Variants in CALU observed in about 807,000 individuals in gnomAD.
CALU encodes the protein calumenin, also known as IEF SSP 9302.
A neutral mutation model predicts 37.5 loss-of-function variants in CALU; 13 were observed. The ratio of observed to expected loss-of-function variants is 0.35; its 90% CI spans 0.23 to 0.55. CALU has a LOEUF of 0.55. Ranked by LOEUF, CALU falls within the 20% of genes least tolerant of loss-of-function variation. The pLI is 0.89. For missense variants in CALU, 282 were observed against 391.7 expected, an observed-to-expected ratio of 0.72 and a Z score of 2.36; for synonymous variants, 114 against 133.8, an observed-to-expected ratio of 0.85 and a Z score of 1.02.
intron 2 of CALU, among the ~76,000 whole-genome samples, chr7:128,751,442 T>C (rs1476139375): frequency 6.6e-6 from 1 of 152,038 alleles, no homozygotes; most frequent in Non-Finnish European, 1.5e-5. Context: ...ATATACAATT[T>C]TGGGCTAGGC....
intron 2 of CALU, among the ~76,000 whole-genome samples, chr7:128,752,137 G>GT (rs926015679): frequency 6.6e-6 from 1 of 151,486 alleles, no homozygotes; most frequent in Non-Finnish European, 1.5e-5. Context: ...TCAGAGGCTT[G>GT]TTAAAAAAAA....
intron 2 of CALU, among the ~76,000 whole-genome samples, chr7:128,752,162 C>T (rs1201420033): frequency 6.6e-6 from 1 of 152,110 alleles, no homozygotes; most frequent in African/African-American, 2.4e-5. Flanking sequence ...CACACACACA[C>T]ACACCATACC....
Position 128,772,803 on chromosome 7 carries a change from C to G in CALU, c.*3636C>G, listed in dbSNP as rs1337946540. 1.9e-5 allele frequency: 21 copies of G among 1,090,544 alleles called. 1 individual carries two copies. In the Admixed American group the frequency reaches 4.1e-4, roughly 21 times the overall value. The allele number at this position is 1,090,544 out of a possible 1,614,324, so 67.6% of individuals were successfully genotyped here. ...GTGGTTTTGAATCTATCTTCCCCAT[C>G]CTGAAAACTATCTAGATTCCAGTCT... On this transcript the variant is annotated 3_prime_UTR_variant, in exon 7 of 7. Transcript: ENST00000249364.
At chr7:128,765,609 T>G (rs922315277) in intron 5 of CALU, among the ~76,000 whole-genome samples, 1 of 152,266 alleles carries the variant, frequency 6.6e-6, no homozygotes, top group Non-Finnish European at 1.5e-5. Context: ...ATATGGCTCT[T>G]AAGTGTTTTT....
chr7:128,742,494 G>C (rs1352070430), intron 1 of CALU, among the ~76,000 whole-genome samples: 1 of 152,204 alleles, frequency 6.6e-6, no homozygotes, highest in East Asian at 1.9e-4. Context: ...ACGTTCTTGT[G>C]AAGTTGAATT....
intron 5 of CALU, among the ~76,000 whole-genome samples, chr7:128,760,825 A>G (rs950992237): frequency 3.9e-5 from 6 of 152,054 alleles, no homozygotes; most frequent in Non-Finnish European, 8.8e-5. Flanking sequence ...GGAGAATGGC[A>G]TGAACCCAGG....
At chr7:128,746,261 ACTT>A (rs1317585050) in intron 1 of CALU, among the ~76,000 whole-genome samples, 1 of 151,234 alleles carries the variant, frequency 6.6e-6, no homozygotes, top group Non-Finnish European at 1.5e-5. Context: ...GGGTTCCAGT[ACTT>A]CTCGTGCCTC....
intron 5 of CALU, among the ~76,000 whole-genome samples, chr7:128,765,423 C>G (rs950504524): frequency 8.5e-5 from 13 of 152,104 alleles, no homozygotes; most frequent in Non-Finnish European, 1.8e-4. Flanking sequence ...GCCATGTTGT[C>G]CAGGCTGATC....
intron 1 of CALU, among the ~76,000 whole-genome samples, chr7:128,739,853 G>GT (rs1800163644): frequency 6.6e-6 from 1 of 152,108 alleles, no homozygotes; most frequent in African/African-American, 2.4e-5. Context: ...CATCCTGCTT[G>GT]TATCTGCCAG....
chr7:128,747,535 C>G (rs1462783310), intron 1 of CALU: 1 of 151,662 alleles, frequency 6.6e-6, no homozygotes, highest in Non-Finnish European at 1.5e-5. Context: ...ACTGATATGT[C>G]CTCCTCTGCC....
chr7:128,768,807 A>G (rs895775868), intron 6 of CALU, among the ~76,000 whole-genome samples: 3 of 137,874 alleles, frequency 2.2e-5, no homozygotes, highest in African/African-American at 5.5e-5. Context: ...AGATCGCGCC[A>G]TTGCACTCCA....
intron 5 of CALU, among the ~76,000 whole-genome samples, chr7:128,766,220 C>T: frequency 6.6e-6 from 1 of 152,016 alleles, no homozygotes; most frequent in East Asian, 1.9e-4. Context: ...CCTCAGCCTC[C>T]CAAAGTGCTG....
chr7:128,754,676 A>T (rs1034673453), intron 3 of CALU: 14 of 1,552,312 alleles, frequency 9.0e-6, no homozygotes, highest in Middle Eastern at 1.7e-4. Flanking sequence ...AAGACGGCTT[A>T]ATCTCCTGGG....
intron 2 of CALU, among the ~76,000 whole-genome samples, chr7:128,749,643 G>T (rs1800581449): frequency 6.6e-6 from 1 of 152,154 alleles, no homozygotes; most frequent in Admixed American, 6.5e-5. Context: ...TTGCCTTGAT[G>T]GGTAGCATTT....
intron 5 of CALU, among the ~76,000 whole-genome samples, chr7:128,762,048 T>A (rs1293383458): frequency 6.6e-6 from 1 of 152,332 alleles, no homozygotes; most frequent in Non-Finnish European, 1.5e-5. Context: ...AACTGATTTT[T>A]TTTTTTTTTG....
chr7:128,741,237 G>C (rs1311815335), intron 1 of CALU, among the ~76,000 whole-genome samples: 2 of 152,244 alleles, frequency 1.3e-5, no homozygotes, highest in Non-Finnish European at 2.9e-5. Context: ...ACTTTTGCCT[G>C]TTCCTGGCTG....
rs1801538780 is a variant in CALU at position 128,770,969 on chromosome 7, C to A, written c.*1802C>A. 6.6e-6 allele frequency: 1 copy of A among 152,612 alleles called. No individual in the cohort carries two copies. The highest frequency in any genetic ancestry group is 1.5e-5 in the Non-Finnish European group (1 of 68,030). The allele number at this position is 152,612 out of a possible 1,614,324, so 9.5% of individuals were successfully genotyped here. A position where few individuals can be genotyped will look rare whatever the true frequency, so the allele number is the denominator to read the frequency against. On this transcript the variant is annotated 3_prime_UTR_variant, in exon 7 of 7. Transcript: ENST00000249364. ...AAAAGCCAGGTATAATGTAACTTCA[C>A]CCCAGCCTTTGTACTAAGCTCTTGA...
intron 5 of CALU, among the ~76,000 whole-genome samples, chr7:128,760,724 C>T (rs1801079508): frequency 6.6e-6 from 1 of 152,118 alleles, no homozygotes; most frequent in South Asian, 2.1e-4. Flanking sequence ...CTGGCTAACA[C>T]AGTGAAACCC....
chr7:128,744,589 T>A (rs1388062956), intron 1 of CALU, among the ~76,000 whole-genome samples: 1 of 152,134 alleles, frequency 6.6e-6, no homozygotes, highest in Non-Finnish European at 1.5e-5. Flanking sequence ...ACCATTGGCT[T>A]TGTCCATCTG....
Sources: allele counts gnomAD v4.1 joint callset (sites outside exome capture counted in the v4.1 genomes callset), GRCh38; gene constraint gnomAD v4.1.1; transcripts MANE v1.5; gene names NCBI Gene and HGNC (gene_info 2026-07-23, HGNC 2026-07-21).